Variants in UBE2G1 observed in about 807,000 individuals in gnomAD.
The protein encoded by UBE2G1 is ubiquitin-conjugating enzyme E2 G1.
In UBE2G1, 5 loss-of-function variants were observed where a neutral mutation model predicts 22.7. The observed-to-expected ratio is 0.22, with a 90% CI of 0.12 to 0.46. UBE2G1 has a LOEUF of 0.46. Among genes scored for constraint, UBE2G1 ranks in the 20% least tolerant of loss-of-function variants. UBE2G1 has a pLI of 0.99. For synonymous variants in UBE2G1, 74 were observed against 67.5 expected, an observed-to-expected ratio of 1.10 and a Z score of -0.47; for missense variants, 88 against 203.9, an observed-to-expected ratio of 0.43 and a Z score of 3.46.
chr17:4,290,644 CT>C (rs372483601), intron 3 of UBE2G1, among the ~76,000 whole-genome samples: 65 of 138,230 alleles, frequency 4.7e-4, no homozygotes, highest in African/African-American at 7.9e-4. Flanking sequence ...GCTAACCTGA[CT>C]TTTTTTTTTT....
intron 3 of UBE2G1, among the ~76,000 whole-genome samples, chr17:4,293,292 C>G (rs1377999840): frequency 6.6e-6 from 1 of 152,178 alleles, no homozygotes; most frequent in South Asian, 2.1e-4. Context: ...CAAGGTTCAT[C>G]TATGTTGTAG....
intron 2 of UBE2G1, among the ~76,000 whole-genome samples, chr17:4,299,908 G>A: frequency 6.7e-6 from 1 of 148,958 alleles, no homozygotes; most frequent in South Asian, 2.1e-4. Context: ...CTCACTGCAA[G>A]CTCTGCCTCC....
intron 1 of UBE2G1, among the ~76,000 whole-genome samples, chr17:4,360,597 A>C (rs1969955294): frequency 6.6e-6 from 1 of 152,254 alleles, no homozygotes; most frequent in African/African-American, 2.4e-5. Flanking sequence ...ATCACAACAT[A>C]TAATGTGTAT....
chr17:4,345,357 A>G (rs1969756589), intron 1 of UBE2G1, among the ~76,000 whole-genome samples: 1 of 152,236 alleles, frequency 6.6e-6, no homozygotes, highest in South Asian at 2.1e-4. Context: ...AGTACAAATG[A>G]TGCTCAATTT....
At chr17:4,286,563 A>C (rs8068219) in intron 4 of UBE2G1, among the ~76,000 whole-genome samples, 5,580 of 152,254 alleles carry the variant, frequency 0.037, 371 homozygotes, top group African/African-American at 0.13. Flanking sequence ...ACTAGAACTC[A>C]TATTTGCATA....
At chr17:4,352,782 A>G (rs1024384833) in intron 1 of UBE2G1, among the ~76,000 whole-genome samples, 12 of 152,100 alleles carry the variant, frequency 7.9e-5, no homozygotes, top group African/African-American at 2.9e-4. Flanking sequence ...ATTCAAAAAT[A>G]TTTTGTATGA....
intron 5 of UBE2G1, among the ~76,000 whole-genome samples, chr17:4,274,042 G>C (rs978991694): frequency 6.6e-6 from 1 of 151,654 alleles, no homozygotes; most frequent in Admixed American, 6.6e-5. Context: ...CTGCAGTGGC[G>C]CGATCTCGGC....
At chr17:4,299,272 A>C (rs1375299762) in intron 2 of UBE2G1, among the ~76,000 whole-genome samples, 2 of 152,162 alleles carry the variant, frequency 1.3e-5, no homozygotes, top group East Asian at 3.9e-4. Flanking sequence ...GGTGGCGTGC[A>C]CCTGTAATCC....
chr17:4,280,722 C>T, intron 5 of UBE2G1, among the ~76,000 whole-genome samples: 1 of 151,284 alleles, frequency 6.6e-6, no homozygotes, highest in East Asian at 1.9e-4. Flanking sequence ...ACCGCAACCT[C>T]CGCCTCCCGG....
In UBE2G1 at chr17:4,289,215, G is replaced by A. The variant is rs746882026; in HGVS notation, c.426+15C>T. ...AGGGAAAGTGAAGGGAAGGGAAGAC[G>A]TGTGACCACCTTACCGCAGCATCAA... On this transcript the variant is annotated intron_variant, in intron 4 of 5. Transcript: ENST00000396981. 4.0e-5 allele frequency: 60 copies of A among 1,511,578 alleles called. No homozygotes were observed. The highest frequency in any genetic ancestry group is 9.1e-5 in the Admixed American group (4 of 44,120). 93.6% of individuals were successfully genotyped at this position (1,511,578 alleles called of 1,614,324 possible). A position where few individuals can be genotyped will look rare whatever the true frequency, so the allele number is the denominator to read the frequency against.
At chr17:4,346,539 A>G (rs1309675954) in intron 1 of UBE2G1, among the ~76,000 whole-genome samples, 1 of 147,250 alleles carries the variant, frequency 6.8e-6, no homozygotes, top group Non-Finnish European at 1.5e-5. Flanking sequence ...GGTTCAAGCG[A>G]TTCTTCTTGC....
chr17:4,354,392 C>A (rs1241794138), intron 1 of UBE2G1, among the ~76,000 whole-genome samples: 1 of 152,168 alleles, frequency 6.6e-6, no homozygotes, highest in African/African-American at 2.4e-5. Context: ...ATTAGATCTG[C>A]ATAAATGAGC....
intron 1 of UBE2G1, among the ~76,000 whole-genome samples, chr17:4,316,145 A>G (rs1969369385): frequency 6.6e-6 from 1 of 152,022 alleles, no homozygotes; most frequent in Non-Finnish European, 1.5e-5. Context: ...ACTTCTACAA[A>G]GCCAAATACA....
rs1229724079 is a variant in UBE2G1 at position 4,315,829 on chromosome 17, C to T, written c.47-8706G>A. Among the ~76,000 whole-genome samples, 84 of 121,694 alleles carry T rather than the reference C, an allele frequency of 6.9e-4. 1 individual carries two copies. The highest frequency in any genetic ancestry group is 2.4e-3 in the African/African-American group (75 of 31,048). The allele number at this position is 121,694 out of a possible 152,430, so 79.8% of individuals were successfully genotyped here. A position where few individuals can be genotyped will look rare whatever the true frequency, so the allele number is the denominator to read the frequency against. On this transcript the variant is annotated intron_variant, in intron 1 of 5. Transcript: ENST00000396981. ...TTTTTTTTTTTTTTCCTCCCTGAGA[C>T]GGAGTCTCGCTCTGTAGCCCAGGCT...
intron 1 of UBE2G1, among the ~76,000 whole-genome samples, chr17:4,339,741 C>T (rs1240794581): frequency 2.0e-5 from 3 of 151,852 alleles, no homozygotes; most frequent in African/African-American, 2.4e-5. Context: ...GCCAGCTACT[C>T]GGGAGGCTGA....
At chr17:4,357,403 G>C (rs1969917941) in intron 1 of UBE2G1, among the ~76,000 whole-genome samples, 1 of 150,772 alleles carries the variant, frequency 6.6e-6, no homozygotes, top group African/African-American at 2.4e-5. Context: ...AGGACTATCA[G>C]TGGTTTCAGG....
chr17:4,283,706 C>A (rs1968924434), intron 4 of UBE2G1, among the ~76,000 whole-genome samples: 1 of 151,328 alleles, frequency 6.6e-6, no homozygotes, highest in Admixed American at 6.6e-5. Flanking sequence ...TGGAACAGAA[C>A]AGTGGGGTAA....
At chr17:4,322,642 T>C (rs563675700) in intron 1 of UBE2G1, among the ~76,000 whole-genome samples, 1 of 152,148 alleles carries the variant, frequency 6.6e-6, no homozygotes, top group African/African-American at 2.4e-5. Flanking sequence ...GGTGAACCTA[T>C]GTAAGAGGCC....
intron 1 of UBE2G1, among the ~76,000 whole-genome samples, chr17:4,340,722 C>A (rs758605824): frequency 7.2e-5 from 11 of 151,964 alleles, no homozygotes; most frequent in Non-Finnish European, 1.5e-4. Flanking sequence ...CAGTCTCGGG[C>A]AGTTCTTTAT....
Sources: allele counts gnomAD v4.1 joint callset (sites outside exome capture counted in the v4.1 genomes callset), GRCh38; gene constraint gnomAD v4.1.1; transcripts MANE v1.5; gene names NCBI Gene and HGNC (gene_info 2026-07-23, HGNC 2026-07-21).